The following ZMAT5 variants were observed in gnomAD, a reference collection of about 807,000 sequenced individuals.
The protein encoded by ZMAT5 is zinc finger matrin-type protein 5.
In ZMAT5, 23 loss-of-function variants were observed where a neutral mutation model predicts 28.0. The ratio of observed to expected loss-of-function variants is 0.82; its 90% CI spans 0.59 to 1.16. The LOEUF (loss-of-function observed/expected upper bound fraction) is 1.16. Ranked by LOEUF, ZMAT5 falls within the 50% of genes most tolerant of loss-of-function variation. The pLI is 0.00. For missense variants in ZMAT5, 173 were observed against 212.7 expected (o/e 0.81, Z 1.16); for synonymous variants, 76 against 84.1 (o/e 0.90, Z 0.52).
intron 3 of ZMAT5, 117 bp from the exon 4 acceptor site, chr22:29,740,847 A>G: frequency 1.2e-6 from 1 of 863,176 alleles, no homozygotes; most frequent in Admixed American, 2.2e-5. Flanking sequence ...CCTAAAGAAT[A>G]GCAACCCTGA....
intron 1 of ZMAT5, among the ~76,000 whole-genome samples, chr22:29,763,280 G>A (rs181691242): frequency 0.012 from 1,134 of 91,142 alleles, 15 homozygotes; most frequent in African/African-American, 0.035. Flanking sequence ...GCAACACAGC[G>A]AGACTCTGCC....
intron 2 of ZMAT5, among the ~76,000 whole-genome samples, chr22:29,742,870 C>A (rs2067976275): frequency 6.6e-6 from 1 of 152,128 alleles, no homozygotes; most frequent in African/African-American, 2.4e-5. Flanking sequence ...CTCACTGCAG[C>A]CACTACCTCC....
intron 1 of ZMAT5, among the ~76,000 whole-genome samples, chr22:29,757,941 T>C (rs131275): frequency 0.53 from 79,744 of 151,538 alleles, 21,295 homozygotes; most frequent in East Asian, 0.62. Flanking sequence ...TGTTTGAACC[T>C]GGGAGACGGA....
At chr22:29,733,150 C>T (rs917534400) in intron 5 of ZMAT5, among the ~76,000 whole-genome samples, 2 of 152,218 alleles carry the variant, frequency 1.3e-5, no homozygotes, top group Non-Finnish European at 2.9e-5. Context: ...AGCCCCACAT[C>T]GGCTGCAGAC....
intron 1 of ZMAT5, among the ~76,000 whole-genome samples, chr22:29,756,619 C>T (rs979571273): frequency 2.0e-5 from 3 of 152,128 alleles, no homozygotes; most frequent in East Asian, 3.9e-4. Context: ...CAGAGAAATG[C>T]GAGTCCAGGC....
rs981343005 is a variant in ZMAT5 at position 29,742,327 on chromosome 22, G to A, written c.190+91C>T. On this transcript the variant is annotated intron_variant, in intron 3 of 5. Coordinates refer to ENST00000344318, the MANE Select transcript of ZMAT5 (RefSeq NM_001003692.2). ...CAAAGTGGGCTTGGGATGGTGGCCC[G>A]GGTCGGGGAAGACACTCTGCAGAGG... 7.8e-5 allele frequency: 105 copies of A among 1,351,024 alleles called. 1 individual carries two copies. The East Asian group carries it at 1.7e-3, about 21-fold the overall frequency. The allele number at this position is 1,351,024 out of a possible 1,614,324, so 83.7% of individuals were successfully genotyped here. A position where few individuals can be genotyped will look rare whatever the true frequency, so the allele number is the denominator to read the frequency against.
chr22:29,734,315 G>T (rs1452458134), intron 5 of ZMAT5, among the ~76,000 whole-genome samples: 1 of 152,204 alleles, frequency 6.6e-6, no homozygotes, highest in Non-Finnish European at 1.5e-5. Context: ...GGCTGGCCTG[G>T]CTCACTGGAG....
At chr22:29,755,694 CTAATAAT>C (rs1454906035) in intron 1 of ZMAT5, among the ~76,000 whole-genome samples, 3 of 151,988 alleles carry the variant, frequency 2.0e-5, no homozygotes. Flanking sequence ...CAGAAAGACT[CTAATAAT>C]AACCATAACA....
intron 1 of ZMAT5, among the ~76,000 whole-genome samples, chr22:29,763,292 C>CAATAAATAAATAAATAAATAAATG (rs2068175677): frequency 2.8e-5 from 4 of 140,568 alleles, no homozygotes; most frequent in Admixed American, 2.2e-4. Flanking sequence ...GACTCTGCCT[C>CAATAAATAAATAAATAAATAAATG]AATAAATAAA....
chr22:29,766,020 G>A (rs2068207653), intron 1 of ZMAT5, among the ~76,000 whole-genome samples: 1 of 152,080 alleles, frequency 6.6e-6, no homozygotes, highest in African/African-American at 2.4e-5. Flanking sequence ...GCCTCCTAGT[G>A]CAACTAGAAA....
intron 1 of ZMAT5, among the ~76,000 whole-genome samples, chr22:29,757,017 C>T (rs543889114): frequency 1.3e-5 from 2 of 151,862 alleles, no homozygotes; most frequent in Admixed American, 6.6e-5. Context: ...CCAGCCTGGG[C>T]GACAGAGCGA....
At chr22:29,762,841 A>G (rs2068170685) in intron 1 of ZMAT5, among the ~76,000 whole-genome samples, 1 of 152,200 alleles carries the variant, frequency 6.6e-6, no homozygotes, top group African/African-American at 2.4e-5. Flanking sequence ...TCTGGTGCCA[A>G]AAAGGTTGGG....
At chr22:29,732,259 G>A (rs2067854611) in intron 5 of ZMAT5, among the ~76,000 whole-genome samples, 1 of 152,224 alleles carries the variant, frequency 6.6e-6, no homozygotes, top group South Asian at 2.1e-4. Flanking sequence ...CACCCCAGCT[G>A]CCTATACAAG....
At chr22:29,754,688 T>G (rs968839959) in intron 1 of ZMAT5, among the ~76,000 whole-genome samples, 1 of 151,824 alleles carries the variant, frequency 6.6e-6, no homozygotes, top group African/African-American at 2.4e-5. Context: ...CTGGACAACA[T>G]GGGCAGACCC....
intron 5 of ZMAT5, among the ~76,000 whole-genome samples, chr22:29,732,757 A>G (rs2067863310): frequency 6.6e-6 from 1 of 151,580 alleles, no homozygotes; most frequent in Non-Finnish European, 1.5e-5. Flanking sequence ...AAAAAAAAAA[A>G]AAAAAGTACA....
intron 1 of ZMAT5, among the ~76,000 whole-genome samples, chr22:29,762,504 GGC>G (rs1236919197): frequency 6.6e-6 from 1 of 152,102 alleles, no homozygotes; most frequent in Non-Finnish European, 1.5e-5. Context: ...TCAGATCATC[GGC>G]AGCATTAGAT....
At chr22:29,756,940 G>A (rs1279082900) in intron 1 of ZMAT5, among the ~76,000 whole-genome samples, 2 of 152,138 alleles carry the variant, frequency 1.3e-5, no homozygotes, top group Non-Finnish European at 2.9e-5. Context: ...TCGGGAGGCT[G>A]AGGCAGGAGC....
At chr22:29,749,253 A>AT (rs914070647) in intron 1 of ZMAT5, among the ~76,000 whole-genome samples, 1 of 151,704 alleles carries the variant, frequency 6.6e-6, no homozygotes, top group Non-Finnish European at 1.5e-5. Context: ...TAAAAAAACA[A>AT]TTTTTTTGTA....
At chr22:29,736,358 T>A (rs1172933515) in intron 5 of ZMAT5, among the ~76,000 whole-genome samples, 2 of 152,184 alleles carry the variant, frequency 1.3e-5, no homozygotes, top group Non-Finnish European at 2.9e-5. Flanking sequence ...CCACATATAC[T>A]TTTAAGGTGG....
Sources: allele counts gnomAD v4.1 joint callset (sites outside exome capture counted in the v4.1 genomes callset), GRCh38; gene constraint gnomAD v4.1.1; transcripts MANE v1.5; gene names NCBI Gene and HGNC (gene_info 2026-07-23, HGNC 2026-07-21).